The following PDE8B variants were observed in gnomAD, a reference collection of about 807,000 sequenced individuals.
PDE8B encodes the protein high affinity cAMP-specific and IBMX-insensitive 3',5'-cyclic phosphodiesterase 8B.
Under a neutral mutation model 101.3 loss-of-function variants are expected in PDE8B, and 26 were observed. The observed-to-expected ratio is 0.26, with a 90% CI of 0.19 to 0.36. PDE8B has a LOEUF of 0.36. Ranked by LOEUF, PDE8B falls within the 10% of genes least tolerant of loss-of-function variation. The pLI is 1.00. For synonymous variants in PDE8B, 424 were observed against 429.3 expected (o/e 0.99, Z 0.15); for missense variants, 810 against 1,163.1 (o/e 0.70, Z 4.42).
Position 77,225,882 on chromosome 5 carries a change from C to A in PDE8B, c.339+14618C>A, listed in dbSNP as rs558146064. ...CACACACACACACACACACACACAC[C>A]CCACGCACACATCTCAGAATACCAG... On this transcript the variant is annotated intron_variant, in intron 1 of 21. Transcript: ENST00000264917. 6.1e-3 allele frequency among the ~76,000 whole-genome samples: 576 copies of A among 94,824 alleles called. 2 individuals are homozygous for A. Among genetic ancestry groups the A allele is most frequent in the African/African-American group, 0.027 (544 of 20,192 alleles). 62.2% of individuals were successfully genotyped at this position (94,824 alleles called of 152,430 possible).
At chr5:77,297,223 C>G (rs1482031218) in intron 1 of PDE8B, among the ~76,000 whole-genome samples, 1 of 152,180 alleles carries the variant, frequency 6.6e-6, no homozygotes, top group Admixed American at 6.5e-5. Flanking sequence ...AGGGCAGAGC[C>G]CCATGACCTA....
chr5:77,321,111 A>C (rs1245215552), intron 2 of PDE8B, among the ~76,000 whole-genome samples: 1 of 150,174 alleles, frequency 6.7e-6, no homozygotes, highest in Non-Finnish European at 1.5e-5. Context: ...GTTTGACATC[A>C]GCAGTTTAAC....
intron 1 of PDE8B, among the ~76,000 whole-genome samples, chr5:77,220,476 G>A (rs1335067126): frequency 6.6e-6 from 1 of 152,194 alleles, no homozygotes; most frequent in East Asian, 1.9e-4. Context: ...ACACAACCAG[G>A]AAATGCTTTG....
the PDE8B span, among the ~76,000 whole-genome samples, chr5:77,187,067 G>T: frequency 6.6e-6 from 1 of 152,212 alleles, no homozygotes; most frequent in South Asian, 2.1e-4. Context: ...TGTACACAGT[G>T]TACACAGTTT....
intron 18 of PDE8B, among the ~76,000 whole-genome samples, chr5:77,419,130 A>C (rs961790456): frequency 2.6e-5 from 4 of 152,212 alleles, no homozygotes; most frequent in African/African-American, 9.6e-5. Context: ...CTTCAGCTTC[A>C]TCAGTATCGA....
At position 77,211,002 on chromosome 5, in the gene PDE8B, C is replaced by G; in HGVS notation, c.77C>G (p.Pro26Arg). 6.5e-7 allele frequency: 1 copy of G among 1,548,762 alleles called. No individual in the cohort carries two copies. The highest frequency in any genetic ancestry group is 8.6e-7 in the Non-Finnish European group (1 of 1,157,568). Residue 26 changes from proline (P) to arginine (R), a missense_variant, in exon 1 of 22, where the codon CCC (proline) becomes CGC (arginine). Pro to Arg is a moderately radical substitution (Grantham distance 103, BLOSUM62 -2). Transcript: ENST00000264917. This position sits in a 1 kb window ranked among gnomAD's most constrained non-coding sequence, Gnocchi z 4.1. Reference sequence around the variant, plus strand: ...CGGGACTCGGACGAGTCCAGCTCGCCCCGCCAGACCACCAGCGTGTCGCAG... The same window carrying G: ...CGGGACTCGGACGAGTCCAGCTCGCGCCGCCAGACCACCAGCGTGTCGCAG... ...YCRDSDESSS[P>R]RQTTSVSQGP...
At chr5:77,117,827 AT>A in the PDE8B span, among the ~76,000 whole-genome samples, 2 of 151,908 alleles carry the variant, frequency 1.3e-5, no homozygotes, top group African/African-American at 2.4e-5. Flanking sequence ...TTATACATTC[AT>A]TTTTTTTCAA....
the PDE8B span, chr5:77,105,795 A>T: frequency 6.6e-6 from 1 of 152,216 alleles, no homozygotes; most frequent in South Asian, 2.1e-4. Flanking sequence ...GGTGCTCCAC[A>T]TCCTTACTGA....
chr5:77,403,243 G>T (rs1792688251), intron 11 of PDE8B, among the ~76,000 whole-genome samples: 1 of 152,158 alleles, frequency 6.6e-6, no homozygotes, highest in Admixed American at 6.5e-5. Flanking sequence ...AGTCTGCAAA[G>T]ATTTAGGCCA....
At chr5:77,156,325 T>C in the PDE8B span, among the ~76,000 whole-genome samples, 1 of 152,174 alleles carries the variant, frequency 6.6e-6, no homozygotes, top group African/African-American at 2.4e-5. Context: ...TATAAGGCCC[T>C]AGATTGCAGA....
chr5:77,104,978 C>G, the PDE8B span: 1 of 152,172 alleles, frequency 6.6e-6, no homozygotes, highest in East Asian at 1.9e-4. Flanking sequence ...CTCCCCACCC[C>G]CAGGTGACTC....
chr5:77,292,513 T>C lies in PDE8B; in HGVS notation c.340-19481T>C, dbSNP rs1003297452. On this transcript the variant is annotated intron_variant, in intron 1 of 21. Coordinates refer to ENST00000264917, the MANE Select transcript of PDE8B (RefSeq NM_003719.5). The stretch of plus-strand genomic sequence containing the variant: ...CTCTAGCAGGGTATGAAACTACTAA[T>C]GGCCCCAGACCCTCATCATCACTGT... Among the ~76,000 whole-genome samples, 6 of 152,228 alleles carry C rather than the reference T, an allele frequency of 3.9e-5. No individual in the cohort carries two copies. In the East Asian group the frequency reaches 9.6e-4, roughly 24 times the overall value.
intron 1 of PDE8B, among the ~76,000 whole-genome samples, chr5:77,259,942 A>T (rs974417225): frequency 7.9e-5 from 12 of 152,160 alleles, no homozygotes; most frequent in African/African-American, 2.4e-4. Flanking sequence ...TGGGTGGATC[A>T]TCTGAGGTCA....
chr5:77,094,499 T>A, the PDE8B span, among the ~76,000 whole-genome samples: 2 of 151,990 alleles, frequency 1.3e-5, no homozygotes, highest in Admixed American at 6.6e-5. Flanking sequence ...AGAGACAGAG[T>A]CTCACCATGT....
rs539386316 is a variant in PDE8B, at chr5:77,290,779, C to T, written c.340-21215C>T. 135 of 1,480,284 alleles carry T rather than the reference C, an allele frequency of 9.1e-5. No individual in the cohort carries two copies. In the South Asian group the frequency reaches 1.4e-3, roughly 15 times the overall value. The allele number at this position is 1,480,284 out of a possible 1,614,324, so 91.7% of individuals were successfully genotyped here. A position where few individuals can be genotyped will look rare whatever the true frequency, so the allele number is the denominator to read the frequency against. ...ATCACGGCATTCAATTTCCCTGTGG[C>T]AGTGTATGGTTGGAACAACGCCATT... On this transcript the variant is annotated intron_variant, in intron 1 of 21. Transcript: ENST00000264917.
chr5:77,157,750 ATG>A, the PDE8B span, among the ~76,000 whole-genome samples: 1 of 152,206 alleles, frequency 6.6e-6, no homozygotes, highest in Non-Finnish European at 1.5e-5. Context: ...AGTTCCCCAC[ATG>A]TCTTTCCCTT....
chr5:77,321,915 A>G (rs1438280859), intron 2 of PDE8B, among the ~76,000 whole-genome samples: 2 of 152,146 alleles, frequency 1.3e-5, no homozygotes, highest in South Asian at 2.1e-4. Flanking sequence ...TGGCATTGAA[A>G]AAATCATTAC....
chr5:77,375,827 A>C (rs949869249), intron 10 of PDE8B, among the ~76,000 whole-genome samples: 5 of 150,854 alleles, frequency 3.3e-5, no homozygotes, highest in African/African-American at 9.8e-5. Context: ...TGCTTAATTC[A>C]TCCATTTTGT....
At chr5:77,116,294 C>A in the PDE8B span, among the ~76,000 whole-genome samples, 1 of 142,160 alleles carries the variant, frequency 7.0e-6, no homozygotes, top group Non-Finnish European at 1.5e-5. Context: ...TGCAGTGGCA[C>A]AATCTCGGCT....
Sources: allele counts gnomAD v4.1 joint callset (sites outside exome capture counted in the v4.1 genomes callset), GRCh38; gene constraint gnomAD v4.1.1; non-coding constraint Gnocchi (gnomAD v3.1); transcripts MANE v1.5; gene names NCBI Gene and HGNC (gene_info 2026-07-23, HGNC 2026-07-21).